CALY: variants seen among roughly 807,000 people sequenced by gnomAD.
The protein encoded by CALY is neuron-specific vesicular protein calcyon.
A neutral mutation model predicts 20.2 loss-of-function variants in CALY; 15 were observed. That is an observed-to-expected ratio of 0.74 (90% CI 0.50 to 1.14). CALY has a LOEUF of 1.14. Among genes scored for constraint, CALY ranks in the 50% most tolerant of loss-of-function variants. The pLI is 0.00. For missense variants in CALY, 270 were observed against 304.4 expected, an observed-to-expected ratio of 0.89 and a Z score of 0.84; for synonymous variants, 129 against 131.8, an observed-to-expected ratio of 0.98 and a Z score of 0.15.
At chr10:133,327,791 C>A (rs750626533) in intron 3 of CALY, 114 bp downstream of exon 3, 223 of 757,746 alleles carry the variant, frequency 2.9e-4, no homozygotes, top group Admixed American at 3.2e-4. Flanking sequence ...CCCTCTCCTC[C>A]CTGAGAGCAA....
At chr10:133,326,327 C>T (rs544988085) in intron 4 of CALY, 1 of 1,497,160 alleles carries the variant, frequency 6.7e-7, no homozygotes, top group Non-Finnish European at 9.1e-7. Context: ...GGGGAGGGGC[C>T]ACCCAGGGAG....
chr10:133,325,670 G>A (rs1051998838), intron 5 of CALY, 104 bp from the exon 6 acceptor site: 11 of 424,846 alleles, frequency 2.6e-5, no homozygotes, highest in African/African-American at 2.3e-4. Context: ...CCAACCCCGA[G>A]GTTCTGGCGG....
chr10:133,330,503 A>G (rs967048427), intron 1 of CALY, among the ~76,000 whole-genome samples: 17 of 146,100 alleles, frequency 1.2e-4, no homozygotes, highest in African/African-American at 4.3e-4. Context: ...TAAAAAATAC[A>G]AAAAATTAGC....
chr10:133,326,960 A>G lies in CALY; in HGVS notation c.278T>C (p.Met93Thr). The change falls in exon 4 of 6, where the codon ATG becomes ACG. Residue 93 changes from methionine (M) to threonine (T), a missense_variant. By Grantham distance (81) the Met-to-Thr change is moderately conservative. Coordinates refer to ENST00000252939, the MANE Select transcript of CALY (RefSeq NM_015722.4). ...GATCAGCACGCAGCCCAGTAGCGCC[A>G]TGGCGAAGGCGATCATCCGTGCGGT... ...LPTARMIAFA[M>T]ALLGCVLIMY... The G allele has an allele frequency of 6.2e-7, 1 of 1,610,552 alleles. No homozygotes were observed. The highest frequency in any genetic ancestry group is 8.5e-7 in the Non-Finnish European group (1 of 1,179,256).
intron 1 of CALY, among the ~76,000 whole-genome samples, chr10:133,329,392 C>CTTTTTTTTTTTTTTTTT (rs112012967): frequency 1.1e-3 from 155 of 137,376 alleles, no homozygotes; most frequent in Middle Eastern, 3.7e-3. Context: ...TCTTCTTCTT[C>CTTTTTTTTTTTTTTTTT]TTTTTTTTTT....
intron 4 of CALY, 50 bp downstream of exon 4, chr10:133,326,828 C>G: frequency 7.8e-7 from 1 of 1,274,178 alleles, no homozygotes; most frequent in Non-Finnish European, 1.1e-6. Context: ...CTGGAGGCTA[C>G]GGGAGGAGGG....
rs1384789330 is a variant in CALY, at chr10:133,324,204, G to A, written c.*1391C>T. ...CATCAGGGCCAATTCAGTTCTGCGT[G>A]TGCTTGTTCATCTGGCCAATGCCCT... On this transcript the variant is annotated 3_prime_UTR_variant, in exon 6 of 6. Coordinates refer to ENST00000252939, the MANE Select transcript of CALY (RefSeq NM_015722.4). The A allele has an allele frequency of 2.7e-6, 1 of 371,636 alleles. No homozygotes were observed. The highest frequency in any genetic ancestry group is 7.6e-5 in the East Asian group (1 of 13,106). The allele number at this position is 371,636 out of a possible 1,614,324, so 23.0% of individuals were successfully genotyped here.
intron 1 of CALY, among the ~76,000 whole-genome samples, chr10:133,333,018 C>G (rs1249692517): frequency 6.6e-6 from 1 of 151,892 alleles, no homozygotes; most frequent in African/African-American, 2.4e-5. Flanking sequence ...TAATTTGTGA[C>G]AGCAGCGCGA....
rs201231923 is a variant in CALY, at chr10:133,335,711, T to TG, written c.-21+1122dup. On this transcript the variant is annotated intron_variant, in intron 1 of 5. Coordinates refer to ENST00000252939, the MANE Select transcript of CALY (RefSeq NM_015722.4). Reference sequence around the variant, plus strand: ...ACGGATGACACGCGGCTCGTGGAACTGGGGGGCCGCCTCTGCTTCTCCTCC... The same window carrying TG: ...ACGGATGACACGCGGCTCGTGGAACTGGGGGGGCCGCCTCTGCTTCTCCTCC... 9.7e-3 allele frequency among the ~76,000 whole-genome samples: 1,482 copies of TG among 152,252 alleles called. 26 individuals are homozygous for TG. Among genetic ancestry groups the TG allele is most frequent in the African/African-American group, 0.034 (1,418 of 41,560 alleles).
At position 133,325,584 on chromosome 10, in the gene CALY, G is replaced by C. The variant is rs1848188231; in HGVS notation, c.*29-18C>G. 1 of 287,766 alleles carries C rather than the reference G, an allele frequency of 3.5e-6. No homozygotes were observed. The highest frequency in any genetic ancestry group is 5.2e-5 in the Admixed American group (1 of 19,108). The allele number at this position is 287,766 out of a possible 1,614,324, so 17.8% of individuals were successfully genotyped here. On this transcript the variant is annotated intron_variant, in intron 5 of 5. Transcript: ENST00000252939. The stretch of plus-strand genomic sequence containing the variant: ...GGAGGACGCTGCGGAGACAGAGCCC[G>C]AGGGTTGAGAGCGGCGACGCGGCCA...
At chr10:133,329,945 G>C (rs1473573980) in intron 1 of CALY, among the ~76,000 whole-genome samples, 1 of 152,224 alleles carries the variant, frequency 6.6e-6, no homozygotes, top group East Asian at 1.9e-4. Context: ...CCAGCTGCGA[G>C]CCTGGCGCTA....
intron 1 of CALY, among the ~76,000 whole-genome samples, chr10:133,330,147 T>C (rs1297539956): frequency 6.6e-6 from 1 of 151,514 alleles, no homozygotes; most frequent in Non-Finnish European, 1.5e-5. Context: ...AAAAAGAAAA[T>C]GTATTCAATC....
At chr10:133,327,552 C>G in intron 3 of CALY, 1 of 576,458 alleles carries the variant, frequency 1.7e-6, no homozygotes, top group Non-Finnish European at 3.1e-6. Flanking sequence ...AGATATTTGC[C>G]AGATATACTG....
chr10:133,331,739 A>C (rs1848313007), intron 1 of CALY, among the ~76,000 whole-genome samples: 1 of 152,228 alleles, frequency 6.6e-6, no homozygotes, highest in South Asian at 2.1e-4. Flanking sequence ...AGTAAATCTT[A>C]AGCAAAATCC....
Position 133,329,018 on chromosome 10 carries a change from A to C in CALY, c.-20-9T>G, listed in dbSNP as rs998658206. ...GGATGGCAGTCCTTGTCCTGTCCAA[A>C]GACAGACAGAGTCACTGCCCACAGG... On this transcript the variant is annotated splice_polypyrimidine_tract_variant and intron_variant, in intron 1 of 5. Coordinates refer to ENST00000252939, the MANE Select transcript of CALY (RefSeq NM_015722.4). The C allele has an allele frequency of 1.3e-6, 2 of 1,527,528 alleles. No homozygotes were observed. Among genetic ancestry groups the C allele is most frequent in the Non-Finnish European group, 8.8e-7 (1 of 1,134,140 alleles). 94.6% of individuals were successfully genotyped at this position (1,527,528 alleles called of 1,614,324 possible).
intron 2 of CALY, among the ~76,000 whole-genome samples, chr10:133,328,380 C>T (rs1293272226): frequency 3.3e-5 from 5 of 152,172 alleles, no homozygotes; most frequent in Non-Finnish European, 7.4e-5. Context: ...CCAGCAGGGA[C>T]AACTCGGGGT....
In CALY at chr10:133,325,816, G is replaced by C. The variant is rs529864083; in HGVS notation, c.*11C>G. ...GCACCTACCCCGGGCCGGGCTGCGG[G>C]GCTGGAGACGTCACTGCGCGGGCGG... On this transcript the variant is annotated 3_prime_UTR_variant, in exon 5 of 6. Transcript: ENST00000252939. The C allele has an allele frequency of 1.7e-6, 2 of 1,206,338 alleles. No homozygotes were observed. Among genetic ancestry groups the C allele is most frequent in the South Asian group, 4.0e-5 (1 of 25,050 alleles). The allele number at this position is 1,206,338 out of a possible 1,614,324, so 74.7% of individuals were successfully genotyped here.
intron 1 of CALY, among the ~76,000 whole-genome samples, chr10:133,331,150 G>A (rs2133380723): frequency 6.6e-6 from 1 of 152,350 alleles, no homozygotes; most frequent in Non-Finnish European, 1.5e-5. Flanking sequence ...ATTAAGGCAG[G>A]AGGCGAGTGC....
intron 1 of CALY, among the ~76,000 whole-genome samples, chr10:133,330,657 C>A (rs868842236): frequency 6.6e-3 from 296 of 44,806 alleles, no homozygotes; most frequent in Admixed American, 7.5e-3. Context: ...GACTCCGTCT[C>A]AAAAAAAAAA....
Sources: allele counts gnomAD v4.1 joint callset (sites outside exome capture counted in the v4.1 genomes callset), GRCh38; gene constraint gnomAD v4.1.1; transcripts MANE v1.5; gene names NCBI Gene and HGNC (gene_info 2026-07-23, HGNC 2026-07-21).